Variants in XKR4 observed in about 807,000 individuals in gnomAD.
The protein encoded by XKR4 is XK related 4, also known as XK-related protein 4.
Under a neutral mutation model 53.9 loss-of-function variants are expected in XKR4, and 12 were observed. That is an observed-to-expected ratio of 0.22 (90% confidence interval 0.14 to 0.36). XKR4 has a LOEUF of 0.36. Ranked by LOEUF, XKR4 falls within the 10% of genes least tolerant of loss-of-function variation. XKR4 has a pLI of 1.00. For synonymous variants in XKR4, 354 were observed against 362.4 expected (o/e 0.98, Z 0.26); for missense variants, 799 against 859.5 (o/e 0.93, Z 0.88).
intron 2 of XKR4, among the ~76,000 whole-genome samples, chr8:55,418,270 C>G (rs6473984): frequency 0.12 from 18,089 of 152,202 alleles, 2,805 homozygotes; most frequent in African/African-American, 0.36. Context: ...ATTCAGCTTA[C>G]AGCCATCAGC....
chr8:55,240,850 G>C lies in XKR4; in HGVS notation c.807-116828G>C, dbSNP rs1362422630. Among the ~76,000 whole-genome samples the C allele has an allele frequency of 2.0e-5, 3 of 152,318 alleles. No individual in the cohort carries two copies. The East Asian group carries it at 5.8e-4, about 29-fold the overall frequency. ...TGAAGAAATGATTGAGTTGCACATGGTGAGGAAAGCAACTCCAATATGAGA... is the reference window on the plus strand; with the variant it reads ...TGAAGAAATGATTGAGTTGCACATGCTGAGGAAAGCAACTCCAATATGAGA... On this transcript the variant is annotated intron_variant, in intron 1 of 2. Coordinates refer to ENST00000327381, the MANE Select transcript of XKR4 (RefSeq NM_052898.2).
chr8:55,350,435 A>G (rs1390906826), intron 1 of XKR4, among the ~76,000 whole-genome samples: 5 of 152,234 alleles, frequency 3.3e-5, no homozygotes, highest in Non-Finnish European at 7.3e-5. Context: ...TCTTTCCTCC[A>G]TCAAAAATTC....
intron 1 of XKR4, among the ~76,000 whole-genome samples, chr8:55,316,039 C>T (rs879344243): frequency 9.2e-5 from 14 of 152,098 alleles, no homozygotes; most frequent in Admixed American, 3.9e-4. Flanking sequence ...TCACCTACAC[C>T]GTAAAAAATC....
intron 1 of XKR4, among the ~76,000 whole-genome samples, chr8:55,246,712 TC>T (rs141668874): frequency 1.5e-3 from 204 of 139,168 alleles, no homozygotes; most frequent in African/African-American, 5.0e-3. Context: ...CCCATTAAAG[TC>T]TTTTTTTTTT....
At chr8:55,160,302 A>T (rs1266807406) in intron 1 of XKR4, among the ~76,000 whole-genome samples, 1 of 152,230 alleles carries the variant, frequency 6.6e-6, no homozygotes, top group East Asian at 1.9e-4. Context: ...AGGAGTGTTT[A>T]AATTAGTTGC....
At chr8:55,479,961 T>C (rs1806073049) in intron 2 of XKR4, among the ~76,000 whole-genome samples, 1 of 152,162 alleles carries the variant, frequency 6.6e-6, no homozygotes, top group Non-Finnish European at 1.5e-5. Flanking sequence ...CTGCCGAATT[T>C]TACCAGAGGT....
Position 55,107,392 on chromosome 8 carries a change from A to G in XKR4, c.806+4098A>G, listed in dbSNP as rs564185359. 2.0e-3 allele frequency among the ~76,000 whole-genome samples: 310 copies of G among 152,274 alleles called. 1 individual carries two copies. Among genetic ancestry groups the G allele is most frequent in the African/African-American group, 7.2e-3 (299 of 41,548 alleles). ...TGCCAACTTGGATAATGATGACAAC[A>G]ATGTATAAAAATAACAATTTACCTT... On this transcript the variant is annotated intron_variant, in intron 1 of 2. Coordinates refer to ENST00000327381, the MANE Select transcript of XKR4 (RefSeq NM_052898.2).
At chr8:55,336,519 T>G (rs1207100708) in intron 1 of XKR4, among the ~76,000 whole-genome samples, 2 of 152,204 alleles carry the variant, frequency 1.3e-5, no homozygotes, top group African/African-American at 4.8e-5. Context: ...ATACCTTGGT[T>G]TTGATCATTG....
intron 1 of XKR4, among the ~76,000 whole-genome samples, chr8:55,121,793 T>G (rs982011587): frequency 4.4e-5 from 3 of 67,888 alleles, no homozygotes; most frequent in African/African-American, 1.2e-4. Context: ...GGTAAATAAT[T>G]TTTATGTTAC....
chr8:55,454,961 G>A (rs570570134), intron 2 of XKR4: 8 of 857,856 alleles, frequency 9.3e-6, no homozygotes, highest in African/African-American at 1.6e-5. Context: ...AAAGAAGGTC[G>A]GTGGATTCCT....
intron 1 of XKR4, among the ~76,000 whole-genome samples, chr8:55,337,233 A>G (rs1031638094): frequency 6.6e-6 from 1 of 152,154 alleles, no homozygotes; most frequent in Non-Finnish European, 1.5e-5. Flanking sequence ...CAGAAAAGAA[A>G]TTATAGTCCC....
At position 55,371,507 on chromosome 8, in the gene XKR4, T is replaced by C. The variant is rs539441972; in HGVS notation, c.1006+13630T>C. 2.6e-5 allele frequency among the ~76,000 whole-genome samples: 4 copies of C among 152,340 alleles called. No individual in the cohort carries two copies. In the South Asian group the frequency reaches 6.2e-4, roughly 24 times the overall value. On this transcript the variant is annotated intron_variant, in intron 2 of 2. Coordinates refer to ENST00000327381, the MANE Select transcript of XKR4 (RefSeq NM_052898.2). ...TTGCATTGTTCAATACTTGGGATAC[T>C]TGGGAATATCAGTAAATAGATCAAT...
chr8:55,385,786 A>G (rs1349533739), intron 2 of XKR4, among the ~76,000 whole-genome samples: 1 of 152,222 alleles, frequency 6.6e-6, no homozygotes, highest in African/African-American at 2.4e-5. Context: ...ACTCATATGC[A>G]AATATTTTGC....
At chr8:55,281,181 C>G (rs1818840771) in intron 1 of XKR4, among the ~76,000 whole-genome samples, 1 of 152,178 alleles carries the variant, frequency 6.6e-6, no homozygotes, top group Non-Finnish European at 1.5e-5. Context: ...TGGGCATTGA[C>G]TTTTCTGAGA....
intron 2 of XKR4, among the ~76,000 whole-genome samples, chr8:55,458,406 A>G (rs1803766819): frequency 6.6e-6 from 1 of 152,102 alleles, no homozygotes; most frequent in South Asian, 2.1e-4. Flanking sequence ...AGTGTCTAGG[A>G]GTTACCCATG....
At chr8:55,127,947 A>G (rs913936328) in intron 1 of XKR4, among the ~76,000 whole-genome samples, 1 of 152,086 alleles carries the variant, frequency 6.6e-6, no homozygotes, top group Non-Finnish European at 1.5e-5. Flanking sequence ...TCCATGGTGT[A>G]TATGTGCCAC....
chr8:55,203,547 G>T (rs530936699), intron 1 of XKR4, among the ~76,000 whole-genome samples: 2 of 152,138 alleles, frequency 1.3e-5, no homozygotes, highest in East Asian at 1.9e-4. Context: ...CTGTGTGTAC[G>T]ATAAGCTTCC....
At chr8:55,297,250 G>C (rs192467910) in intron 1 of XKR4, among the ~76,000 whole-genome samples, 1 of 152,144 alleles carries the variant, frequency 6.6e-6, no homozygotes, top group South Asian at 2.1e-4. Flanking sequence ...GACTAGAAAC[G>C]TGAGATTTGA....
At chr8:55,219,837 T>C (rs1211064795) in intron 1 of XKR4, among the ~76,000 whole-genome samples, 2 of 152,210 alleles carry the variant, frequency 1.3e-5, no homozygotes, top group Non-Finnish European at 2.9e-5. Context: ...TCTTCTGTTT[T>C]ATGGGAGCTT....
Sources: gnomAD v4.1 joint callset for allele counts (sites outside exome capture counted in the v4.1 genomes callset) on GRCh38, gnomAD v4.1.1 for gene constraint, MANE v1.5 for transcripts, NCBI Gene and HGNC (gene_info 2026-07-23, HGNC 2026-07-21) for gene names.